HELZ: variants seen among roughly 807,000 people sequenced by gnomAD.
HELZ encodes the protein helicase with zinc finger, also known as ATP-dependent RNA helicase with zinc finger domain.
HELZ carries 23 observed loss-of-function variants against 218.2 expected under a neutral mutation model. The observed-to-expected ratio is 0.11, with a 90% CI of 0.08 to 0.15. HELZ has a LOEUF of 0.15. Among genes scored for constraint, HELZ ranks in the 10% least tolerant of loss-of-function variants. The pLI, the probability that HELZ is intolerant of heterozygous loss-of-function variation, is 1.00. For missense variants in HELZ, 1,813 were observed against 2,353.7 expected, an observed-to-expected ratio of 0.77 and a Z score of 4.75; for synonymous variants, 814 against 829.4, an observed-to-expected ratio of 0.98 and a Z score of 0.32.
In HELZ at chr17:67,161,061, C is replaced by T. The variant is rs201062352; in HGVS notation, c.1911G>A (p.Gln637=). ...PWSPNRQWDE[Q]LDPRLNAKQK... ...GTTTTGCATTTAGTCGAGGATCCAA[C>T]TGTTCATCCCATTGTCTATGGAAAA... The change falls in exon 16 of 33, where the codon CAG becomes CAA. Residue 637 remains glutamine, a synonymous_variant. Coordinates refer to ENST00000358691, the MANE Select transcript of HELZ (RefSeq NM_014877.4). The T allele has an allele frequency of 6.2e-6, 10 of 1,608,598 alleles. No individual in the cohort carries two copies. The South Asian group carries it at 1.0e-4, about 16-fold the overall frequency.
intron 3 of HELZ, among the ~76,000 whole-genome samples, chr17:67,228,392 A>T (rs1354052512): frequency 6.6e-6 from 1 of 152,158 alleles, no homozygotes; most frequent in Non-Finnish European, 1.5e-5. Flanking sequence ...TTCGGTTACT[A>T]ACCTGAAACT....
chr17:67,223,723 G>A (rs1419626968), intron 3 of HELZ, among the ~76,000 whole-genome samples: 1 of 152,130 alleles, frequency 6.6e-6, no homozygotes, highest in Non-Finnish European at 1.5e-5. Flanking sequence ...TTGCACTCCA[G>A]CCTGGGCGAC....
intron 4 of HELZ, among the ~76,000 whole-genome samples, chr17:67,217,735 T>C (rs772122852): frequency 6.6e-6 from 1 of 152,142 alleles, no homozygotes; most frequent in Non-Finnish European, 1.5e-5. Context: ...CCTCCAGTTT[T>C]ACACATGGCT....
intron 1 of HELZ, chr17:67,244,147 ATGAGTT>A (rs1213790956): frequency 6.5e-6 from 2 of 309,716 alleles, no homozygotes; most frequent in East Asian, 3.5e-4. Context: ...TTTCATTAAT[ATGAGTT>A]TAAGAGAGAG....
chr17:67,245,907 G>A (rs1194673982), upstream of HELZ: 4 of 152,162 alleles, frequency 2.6e-5, no homozygotes, highest in Non-Finnish European at 5.9e-5. Flanking sequence ...TAGGAATGTG[G>A]CTCCAGGCTC....
Position 67,107,458 on chromosome 17 carries a change from T to C in HELZ, c.4952A>G (p.Gln1651Arg), listed in dbSNP as rs2037140485. The change falls in exon 31 of 33, where the codon CAG (glutamine) becomes CGG (arginine). Residue 1651 changes from glutamine (Q) to arginine (R), a missense_variant. By Grantham distance (43) the Gln-to-Arg change is conservative (BLOSUM62 1). Transcript: ENST00000358691. ...GTTGAATATCTGGGGTGGGAGGCGC[T>C]GTGGAAATGCTGGGTTGCTGGCTAC... ...IEVASNPAFP[Q>R]RLPPQIFNSP... The C allele has an allele frequency of 6.2e-7, 1 of 1,614,046 alleles. No homozygotes were observed. The highest frequency in any genetic ancestry group is 8.5e-7 in the Non-Finnish European group (1 of 1,180,034).
chr17:67,199,346 G>C (rs1400425298), intron 7 of HELZ, among the ~76,000 whole-genome samples: 1 of 151,398 alleles, frequency 6.6e-6, no homozygotes, highest in East Asian at 1.9e-4. Flanking sequence ...CTGAGTAGCT[G>C]GGATTACAGG....
chr17:67,240,150 C>T (rs977372633), intron 2 of HELZ, among the ~76,000 whole-genome samples: 1 of 152,212 alleles, frequency 6.6e-6, no homozygotes. Flanking sequence ...ATTCAAATTA[C>T]AGTTATCTTA....
chr17:67,089,063 C>CCT (rs3837812), intron 31 of HELZ, among the ~76,000 whole-genome samples: 90,597 of 151,734 alleles, frequency 0.6, 28,291 homozygotes, highest in East Asian at 0.88. Context: ...ATGACTATCC[C>CCT]GAGTGTTTAG....
intron 12 of HELZ, among the ~76,000 whole-genome samples, chr17:67,187,452 T>C (rs557333555): frequency 6.6e-6 from 1 of 152,264 alleles, no homozygotes; most frequent in African/African-American, 2.4e-5. Flanking sequence ...AAAAATAAAA[T>C]TCTAGCATTC....
At chr17:67,093,778 G>C (rs1163086830) in intron 31 of HELZ, among the ~76,000 whole-genome samples, 2 of 150,520 alleles carry the variant, frequency 1.3e-5, no homozygotes, top group Non-Finnish European at 2.9e-5. Context: ...AGATAACTAT[G>C]ACATCCTTCA....
intron 5 of HELZ, among the ~76,000 whole-genome samples, chr17:67,215,351 T>TC (rs1266525587): frequency 8.5e-6 from 1 of 118,026 alleles, no homozygotes; most frequent in Admixed American, 8.6e-5. Context: ...TATTCAAACT[T>TC]TTTTTTTTTT....
chr17:67,238,052 C>T (rs1391970080), intron 3 of HELZ, among the ~76,000 whole-genome samples: 2 of 146,146 alleles, frequency 1.4e-5, no homozygotes, highest in Non-Finnish European at 3.0e-5. Context: ...AAGACAAGTA[C>T]TGAAAATTCA....
rs540016833 is a variant in HELZ at position 67,091,200 on chromosome 17, A to G, written c.5242-4119T>C. On this transcript the variant is annotated intron_variant, in intron 31 of 32. Coordinates refer to ENST00000358691, the MANE Select transcript of HELZ (RefSeq NM_014877.4). ...GATAGGGGACAAGGTGTGAAAATGT[A>G]TAAGGACTACAATAAAGTAAAAATT... 5.8e-4 allele frequency among the ~76,000 whole-genome samples: 89 copies of G among 152,242 alleles called. 1 individual carries two copies. The highest frequency in any genetic ancestry group is 6.8e-3 in the Middle Eastern group (2 of 294).
At chr17:67,216,633 A>G (rs919744867) in intron 4 of HELZ, among the ~76,000 whole-genome samples, 1 of 150,086 alleles carries the variant, frequency 6.7e-6, no homozygotes, top group African/African-American at 2.5e-5. Flanking sequence ...CCTTCCCCCA[A>G]TTCTCTCCTA....
intron 24 of HELZ, among the ~76,000 whole-genome samples, chr17:67,127,668 T>A (rs2037842632): frequency 6.6e-6 from 1 of 152,068 alleles, no homozygotes; most frequent in South Asian, 2.1e-4. Context: ...GGCAACATGC[T>A]AAACCTTGTC....
chr17:67,124,009 T>C lies in HELZ; in HGVS notation c.3393A>G (p.Lys1131=). 1.3e-6 allele frequency: 2 copies of C among 1,598,762 alleles called. 1 individual carries two copies. The highest frequency in any genetic ancestry group is 1.7e-6 in the Non-Finnish European group (2 of 1,167,150). Residue 1131 remains lysine (K), a synonymous_variant, in exon 25 of 33, where the codon AAA becomes AAG. Coordinates refer to ENST00000358691, the MANE Select transcript of HELZ (RefSeq NM_014877.4). ...GATCATTCTGGGTATGATGAAGACT[T>C]TTCCCCTTTAAAGAAAAACACAAAT... The part of the protein sequence containing the change: ...NKQQQSPPKG[K]SLHHTQNDHF...
At chr17:67,131,027 A>G (rs1375597042) in intron 23 of HELZ, among the ~76,000 whole-genome samples, 2 of 152,136 alleles carry the variant, frequency 1.3e-5, no homozygotes, top group Admixed American at 1.3e-4. Flanking sequence ...CTGGGACTGT[A>G]GTTGTGTGCC....
chr17:67,236,046 C>A (rs867005658), intron 3 of HELZ, among the ~76,000 whole-genome samples: 1 of 152,098 alleles, frequency 6.6e-6, no homozygotes, highest in African/African-American at 2.4e-5. Flanking sequence ...AGGCGTGAGC[C>A]ACTGCACCCA....
Sources: allele counts gnomAD v4.1 joint callset (sites outside exome capture counted in the v4.1 genomes callset), GRCh38; gene constraint gnomAD v4.1.1; transcripts MANE v1.5; gene names NCBI Gene and HGNC (gene_info 2026-07-23, HGNC 2026-07-21).